Variants in KANK1 observed in about 807,000 individuals in gnomAD.
KANK1 encodes KN motif and ankyrin repeat domain-containing protein 1.
In KANK1, 109 loss-of-function variants were observed where a neutral mutation model predicts 106.2. The observed-to-expected ratio is 1.03, with a 90% CI of 0.88 to 1.20. KANK1 has a LOEUF of 1.20. KANK1 is among the 50% of genes most tolerant of loss of function. KANK1 has a pLI of 0.00. For synonymous variants in KANK1, 873 were observed against 652.2 expected (o/e 1.34, Z -5.16); for missense variants, 2,399 against 1,710.7 (o/e 1.40, Z -7.10).
intron 1 of KANK1, among the ~76,000 whole-genome samples, chr9:643,774 C>G (rs1017342060): frequency 1.3e-5 from 2 of 150,286 alleles, no homozygotes; most frequent in Non-Finnish European, 2.9e-5. Context: ...ATGATCTTGG[C>G]TCACTGCAGG....
At chr9:513,307 T>C (rs1375655809) in intron 1 of KANK1, among the ~76,000 whole-genome samples, 2 of 152,262 alleles carry the variant, frequency 1.3e-5, no homozygotes, top group Non-Finnish European at 2.9e-5. Context: ...GTTGAGTGTT[T>C]GTATGTGGAT....
chr9:677,942 T>C (rs1414238569), intron 2 of KANK1, among the ~76,000 whole-genome samples: 3 of 152,190 alleles, frequency 2.0e-5, no homozygotes, highest in African/African-American at 7.2e-5. Flanking sequence ...CCTGCCGGTT[T>C]AGGACCAGTG....
chr9:645,578 C>T (rs963213576), intron 1 of KANK1, among the ~76,000 whole-genome samples: 1 of 149,440 alleles, frequency 6.7e-6, no homozygotes. Context: ...TTAGGGATTT[C>T]ATTTTTTTAA....
intron 1 of KANK1, among the ~76,000 whole-genome samples, chr9:595,378 G>A (rs921057762): frequency 1.3e-5 from 2 of 151,892 alleles, no homozygotes; most frequent in Non-Finnish European, 2.9e-5. Context: ...CACTCTGAAG[G>A]GGAGACCTAA....
At chr9:573,067 G>A (rs550817166) in intron 1 of KANK1, among the ~76,000 whole-genome samples, 24 of 152,228 alleles carry the variant, frequency 1.6e-4, no homozygotes, top group African/African-American at 5.5e-4. Flanking sequence ...GGCAGATATG[G>A]AAGAGAGTCT....
At chr9:634,199 G>C (rs973511203) in intron 1 of KANK1, among the ~76,000 whole-genome samples, 2 of 152,202 alleles carry the variant, frequency 1.3e-5, no homozygotes, top group African/African-American at 4.8e-5. Flanking sequence ...CAAAGGCTCA[G>C]AGAGTTAGGG....
At position 517,008 on chromosome 9, in the gene KANK1, C is replaced by CACAT. The variant is rs1490600845; in HGVS notation, c.-84+12257_-84+12258insTACA. 7.3e-5 allele frequency among the ~76,000 whole-genome samples: 11 copies of CACAT among 151,514 alleles called. No individual in the cohort carries two copies. In the East Asian group the frequency reaches 1.2e-3, roughly 16 times the overall value. ...TTCTTCATCACCCTCTACACACACA[C>CACAT]ACACACACACACACACACATCCGTC... On this transcript the variant is annotated intron_variant, in intron 1 of 11. Transcript: ENST00000382297.
At chr9:607,193 A>C (rs1004685898) in intron 1 of KANK1, among the ~76,000 whole-genome samples, 5 of 151,828 alleles carry the variant, frequency 3.3e-5, no homozygotes, top group Non-Finnish European at 7.3e-5. Context: ...TCCACTTGAA[A>C]GCAGATGGTT....
chr9:602,208 C>G (rs556810994), intron 1 of KANK1, among the ~76,000 whole-genome samples: 2 of 151,988 alleles, frequency 1.3e-5, no homozygotes, highest in African/African-American at 4.8e-5. Flanking sequence ...CCTTCAATAA[C>G]TATTCCTGAG....
chr9:697,747 A>G (rs1447757231), intron 2 of KANK1, among the ~76,000 whole-genome samples: 1 of 152,176 alleles, frequency 6.6e-6, no homozygotes, highest in Non-Finnish European at 1.5e-5. Context: ...ATCATTAATC[A>G]TATTATTTTC....
intron 1 of KANK1, among the ~76,000 whole-genome samples, chr9:555,775 G>A (rs1368609478): frequency 6.6e-6 from 1 of 152,130 alleles, no homozygotes; most frequent in African/African-American, 2.4e-5. Context: ...GTACATACGT[G>A]TTTTTAGAAA....
chr9:626,213 C>T (rs953860319), intron 1 of KANK1, among the ~76,000 whole-genome samples: 6 of 152,122 alleles, frequency 3.9e-5, no homozygotes, highest in Admixed American at 3.3e-4. Flanking sequence ...CCTGTAATCC[C>T]AGCACTTTAG....
intron 1 of KANK1, among the ~76,000 whole-genome samples, chr9:575,838 C>G (rs1408097959): frequency 6.6e-6 from 1 of 152,186 alleles, no homozygotes; most frequent in East Asian, 1.9e-4. Context: ...GCCTGGTCAA[C>G]ATGGTGAAAT....
At chr9:542,107 G>A (rs4742072) in intron 1 of KANK1, among the ~76,000 whole-genome samples, 73,974 of 151,614 alleles carry the variant, frequency 0.49, 21,195 homozygotes, top group East Asian at 0.79. Context: ...AAAATGAACA[G>A]AGGACCTTAA....
intron 11 of KANK1, 110 bp downstream of exon 11, chr9:744,699 G>A (rs1344217065): frequency 5.7e-6 from 9 of 1,591,194 alleles, no homozygotes; most frequent in Middle Eastern, 1.7e-4. Context: ...TTCAGAAAAT[G>A]GAAGTTTTAG....
At chr9:486,850 T>C (rs1208704099) in intron 3 of KANK1, among the ~76,000 whole-genome samples, 1 of 152,244 alleles carries the variant, frequency 6.6e-6, no homozygotes, top group Non-Finnish European at 1.5e-5. Context: ...CTTACAACTT[T>C]GTTCTGCTCT....
At chr9:613,462 A>AT (rs1831054169) in intron 1 of KANK1, among the ~76,000 whole-genome samples, 1 of 151,550 alleles carries the variant, frequency 6.6e-6, no homozygotes, top group African/African-American at 2.4e-5. Flanking sequence ...AAAACATGAG[A>AT]TTTTTTTAAA....
At chr9:621,651 C>T (rs958009353) in intron 1 of KANK1, among the ~76,000 whole-genome samples, 5 of 152,198 alleles carry the variant, frequency 3.3e-5, no homozygotes, top group Admixed American at 3.3e-4. Flanking sequence ...AGTGGACATT[C>T]CTCCAGCCAG....
At position 524,833 on chromosome 9, in the gene KANK1, C is replaced by T. The variant is rs79332673; in HGVS notation, c.-84+20079C>T. ...TGCCCGGCTCGTTACTGGTTTTGAT[C>T]AGTGTTCTGAAATAGTAATTTTGGG... On this transcript the variant is annotated intron_variant, in intron 1 of 11. Transcript: ENST00000382297. Among the ~76,000 whole-genome samples, 337 of 151,358 alleles carry T rather than the reference C, an allele frequency of 2.2e-3. 10 individuals carry two copies. The highest frequency in any genetic ancestry group is 7.8e-3 in the African/African-American group (320 of 40,940).
Sources: allele counts gnomAD v4.1 joint callset (sites outside exome capture counted in the v4.1 genomes callset), GRCh38; gene constraint gnomAD v4.1.1; transcripts MANE v1.5; gene names NCBI Gene and HGNC (gene_info 2026-07-23, HGNC 2026-07-21).